The following STAG1 variants were observed in gnomAD, a reference collection of about 807,000 sequenced individuals.
STAG1 encodes the protein cohesin subunit SA-1.
STAG1 carries 26 observed loss-of-function variants against 170.9 expected under a neutral mutation model. The ratio of observed to expected loss-of-function variants is 0.15; its 90% CI spans 0.11 to 0.21. The LOEUF (loss-of-function observed/expected upper bound fraction) is 0.21, where lower values mean the gene tolerates loss of function less well. Among genes scored for constraint, STAG1 ranks in the 10% least tolerant of loss-of-function variants. The probability of loss-of-function intolerance (pLI) is 1.00; values close to 1 mark genes in which losing one functional copy is unlikely to be tolerated. For missense variants in STAG1, 964 were observed against 1,509.5 expected (o/e 0.64, Z 5.99); for synonymous variants, 514 against 497.7 (o/e 1.03, Z -0.44).
intron 15 of STAG1, among the ~76,000 whole-genome samples, chr3:136,437,608 T>C (rs965857595): frequency 7.9e-5 from 12 of 152,354 alleles, no homozygotes; most frequent in Admixed American, 2.6e-4. Context: ...TATGGTATCA[T>C]TGAATCATGC....
chr3:136,636,118 C>T (rs1430677151), intron 1 of STAG1, among the ~76,000 whole-genome samples: 3 of 151,798 alleles, frequency 2.0e-5, no homozygotes, highest in African/African-American at 4.8e-5. Flanking sequence ...CATGGTGGTA[C>T]GCGCCTGTAA....
At chr3:136,462,620 G>C (rs1442217011) in intron 13 of STAG1, among the ~76,000 whole-genome samples, 2 of 152,168 alleles carry the variant, frequency 1.3e-5, no homozygotes, top group Non-Finnish European at 2.9e-5. Context: ...GGTGACTATA[G>C]TTAACAATAA....
intron 14 of STAG1, among the ~76,000 whole-genome samples, chr3:136,448,156 CT>C (rs2088838283): frequency 6.6e-6 from 1 of 152,172 alleles, no homozygotes; most frequent in African/African-American, 2.4e-5. Flanking sequence ...TTTACATGCA[CT>C]GCAAACTGAT....
intron 14 of STAG1, among the ~76,000 whole-genome samples, chr3:136,448,152 T>C (rs1327868537): frequency 1.3e-5 from 2 of 152,186 alleles, no homozygotes; most frequent in African/African-American, 2.4e-5. Flanking sequence ...ACATTTTACA[T>C]GCACTGCAAA....
Position 136,740,254 on chromosome 3 carries a change from A to G in STAG1, c.-84+11941T>C, listed in dbSNP as rs557921602. On this transcript the variant is annotated intron_variant, in intron 1 of 33. Coordinates refer to ENST00000383202, the MANE Select transcript of STAG1 (RefSeq NM_005862.3). ...CGAGATTCCATCTCAAAAAAAAGAG[A>G]GAATTTTAACGCAAACACTCCATGT... 1.2e-4 allele frequency among the ~76,000 whole-genome samples: 18 copies of G among 152,304 alleles called. No individual in the cohort carries two copies. The East Asian group carries it at 3.3e-3, about 28-fold the overall frequency.
chr3:136,385,379 G>T (rs981455330), intron 22 of STAG1, among the ~76,000 whole-genome samples: 1 of 152,196 alleles, frequency 6.6e-6, no homozygotes, highest in African/African-American at 2.4e-5. Context: ...GATTGAGGCT[G>T]CAGTGAGCCA....
At position 136,352,133 on chromosome 3, in the gene STAG1, A is replaced by G. The variant is rs570697423; in HGVS notation, c.3066-2770T>C. Among the ~76,000 whole-genome samples the G allele has an allele frequency of 2.0e-4, 30 of 152,182 alleles. No homozygotes were observed. In the South Asian group the frequency reaches 4.0e-3, roughly 20 times the overall value. On this transcript the variant is annotated intron_variant, in intron 28 of 33. Coordinates refer to ENST00000383202, the MANE Select transcript of STAG1 (RefSeq NM_005862.3). The stretch of plus-strand genomic sequence containing the variant: ...AGAGTAGCTATATTATTATTTCAAA[A>G]GATATCATTTTTGCAATATTTGTTC...
At chr3:136,581,055 T>C (rs1432047363) in intron 4 of STAG1, among the ~76,000 whole-genome samples, 4 of 152,082 alleles carry the variant, frequency 2.6e-5, no homozygotes, top group Non-Finnish European at 4.4e-5. Context: ...GGTCTCATTA[T>C]GTTGTCCAAG....
At chr3:136,349,094 T>G in intron 29 of STAG1, 64 bp downstream of exon 29, 4 of 1,214,822 alleles carry the variant, frequency 3.3e-6, no homozygotes, top group Non-Finnish European at 4.9e-6. Context: ...TTCAAAAGAT[T>G]ATTTACTACT....
intron 5 of STAG1, among the ~76,000 whole-genome samples, chr3:136,563,703 A>G (rs1466471970): frequency 6.6e-6 from 1 of 151,580 alleles, no homozygotes; most frequent in African/African-American, 2.4e-5. Context: ...ATTATTCTGC[A>G]ATTTGTATTT....
intron 22 of STAG1, among the ~76,000 whole-genome samples, chr3:136,384,307 G>A (rs1048955094): frequency 4.0e-5 from 6 of 150,960 alleles, no homozygotes; most frequent in Admixed American, 2.0e-4. Flanking sequence ...AAAAACTGCC[G>A]GGTGTGGTGG....
chr3:136,561,609 T>TTA (rs1201432031), intron 5 of STAG1, among the ~76,000 whole-genome samples: 1 of 152,222 alleles, frequency 6.6e-6, no homozygotes, highest in Non-Finnish European at 1.5e-5. Context: ...TGCAAACTGA[T>TTA]TCTCCTGAGT....
chr3:136,492,667 T>TA (rs2090144838), intron 9 of STAG1, among the ~76,000 whole-genome samples: 1 of 152,152 alleles, frequency 6.6e-6, no homozygotes, highest in South Asian at 2.1e-4. Flanking sequence ...TTTAACAGTT[T>TA]AAGCAGGGTA....
chr3:136,725,865 C>T (rs1415658063), intron 1 of STAG1, among the ~76,000 whole-genome samples: 1 of 152,152 alleles, frequency 6.6e-6, no homozygotes, highest in Non-Finnish European at 1.5e-5. Flanking sequence ...ACTTCATTCC[C>T]AGTCTTCCCT....
At position 136,377,764 on chromosome 3, in the gene STAG1, AT is replaced by A. The variant is rs765888992; in HGVS notation, c.2278-13del. 6.2e-7 allele frequency: 1 copy of A among 1,611,404 alleles called. No individual in the cohort carries two copies. The highest frequency in any genetic ancestry group is 8.5e-7 in the Non-Finnish European group (1 of 1,178,006). ...ACCAACAAATCCTCCTGTAAGACACATTCAAATTTGCAAGCGTGAATTACAG... is the reference window on the plus strand; with the variant it reads ...ACCAACAAATCCTCCTGTAAGACACATCAAATTTGCAAGCGTGAATTACAG... On this transcript the variant is annotated splice_polypyrimidine_tract_variant and intron_variant, in intron 22 of 33. Coordinates refer to ENST00000383202, the MANE Select transcript of STAG1 (RefSeq NM_005862.3).
Position 136,728,656 on chromosome 3 carries a change from A to G in STAG1, c.-84+23539T>C, listed in dbSNP as rs145339248. On this transcript the variant is annotated intron_variant, in intron 1 of 33. Coordinates refer to ENST00000383202, the MANE Select transcript of STAG1 (RefSeq NM_005862.3). The stretch of plus-strand genomic sequence containing the variant: ...TAATGTTATTATGTTCCTGTTAACT[A>G]TTACTATATTACTTTCTCTTTCTGC... Among the ~76,000 whole-genome samples the G allele has an allele frequency of 3.7e-3, 556 of 152,310 alleles. 3 individuals carry two copies. Among genetic ancestry groups the G allele is most frequent in the African/African-American group, 0.013 (530 of 41,558 alleles).
intron 5 of STAG1, among the ~76,000 whole-genome samples, chr3:136,554,904 T>A (rs1936545158): frequency 6.7e-6 from 1 of 150,240 alleles, no homozygotes; most frequent in African/African-American, 2.4e-5. Context: ...ACCGAAAAAA[T>A]AAAACAAAAC....
chr3:136,736,943 C>T, intron 1 of STAG1: 3 of 1,595,946 alleles, frequency 1.9e-6, no homozygotes, highest in Non-Finnish European at 1.7e-6. Context: ...GCTTTGTCCA[C>T]AGCCTCAAAA....
chr3:136,744,447 G>T (rs537390375), intron 1 of STAG1, among the ~76,000 whole-genome samples: 2 of 152,136 alleles, frequency 1.3e-5, no homozygotes, highest in African/African-American at 2.4e-5. Context: ...GAAAATGATT[G>T]TATCAATTTA....
Sources: gnomAD v4.1 joint callset for allele counts (sites outside exome capture counted in the v4.1 genomes callset) on GRCh38, gnomAD v4.1.1 for gene constraint, MANE v1.5 for transcripts, NCBI Gene and HGNC (gene_info 2026-07-23, HGNC 2026-07-21) for gene names.